FAM131B: variants seen among roughly 807,000 people sequenced by gnomAD.
FAM131B encodes the protein family with sequence similarity 131 member B, also known as protein FAM131B.
A neutral mutation model predicts 42.0 loss-of-function variants in FAM131B; 19 were observed. That is an observed-to-expected ratio of 0.45 (90% CI 0.32 to 0.66). The LOEUF is 0.66. Ranked by LOEUF, FAM131B falls within the 30% of genes least tolerant of loss-of-function variation. The pLI is 0.05. For missense variants in FAM131B, 370 were observed against 468.4 expected, an observed-to-expected ratio of 0.79 and a Z score of 1.94; for synonymous variants, 183 against 177.6, an observed-to-expected ratio of 1.03 and a Z score of -0.24.
At chr7:143,375,868 G>A in the FAM131B span, among the ~76,000 whole-genome samples, 4 of 152,146 alleles carry the variant, frequency 2.6e-5, no homozygotes, top group Non-Finnish European at 2.9e-5. Flanking sequence ...CGGCTGCCTC[G>A]GTGCCAGCAA....
Position 143,356,888 on chromosome 7 carries a change from G to A in FAM131B, c.745C>T (p.Leu249Phe). Residue 249 changes from leucine to phenylalanine, a missense_variant, in exon 7 of 7, where the codon CTT (leucine) becomes TTT (phenylalanine). By Grantham distance (22) the Leu-to-Phe change is conservative (BLOSUM62 0). Transcript: ENST00000443739. The surrounding 1 kb of genome is among the most constrained non-coding windows in gnomAD (Gnocchi z 4.4). The stretch of plus-strand genomic sequence containing the variant: ...TGTGAGTCATCAAATGCAGGCCCAA[G>A]ATAGGATCCTGTGGCCGGAGAGGCA... ...LIASPATGSY[L>F]GPAFDDSQPS... is the part of the protein sequence containing the mutation. 1 of 1,614,122 alleles carries A rather than the reference G, an allele frequency of 6.2e-7. No homozygotes were observed. Among genetic ancestry groups the A allele is most frequent in the Non-Finnish European group, 8.5e-7 (1 of 1,180,036 alleles).
At chr7:143,367,404 T>C (rs1804204826), upstream of FAM131B, among the ~76,000 whole-genome samples, 1 of 152,134 alleles carries the variant, frequency 6.6e-6, no homozygotes, top group East Asian at 1.9e-4. Flanking sequence ...CTCCCACTTT[T>C]AGTTAGAAAA....
upstream of FAM131B, among the ~76,000 whole-genome samples, chr7:143,363,647 T>G (rs1046181287): frequency 1.3e-5 from 2 of 152,062 alleles, no homozygotes; most frequent in African/African-American, 4.8e-5. Context: ...AGGTAAGAAG[T>G]GGAGTCCAGA....
At chr7:143,367,980 C>T in the FAM131B span, among the ~76,000 whole-genome samples, 1 of 152,178 alleles carries the variant, frequency 6.6e-6, no homozygotes, top group Non-Finnish European at 1.5e-5. Context: ...AGCCTGCAAC[C>T]CCTACTGCAG....
In FAM131B at chr7:143,353,467, A is replaced by G. The variant is rs1213452253; in HGVS notation, c.*3083T>C. 1 of 151,464 alleles carries G rather than the reference A, an allele frequency of 6.6e-6. No homozygotes were observed. Among genetic ancestry groups the G allele is most frequent in the Non-Finnish European group, 1.5e-5 (1 of 67,914 alleles). 9.4% of individuals were successfully genotyped at this position (151,464 alleles called of 1,614,324 possible). ...CCTTCTCCAGCATCACATCCCTCCC[A>G]CTTCCCCAGGCCAAGAGAGATGCTG... On this transcript the variant is annotated 3_prime_UTR_variant, in exon 7 of 7. Transcript: ENST00000443739.
chr7:143,380,872 C>T, the FAM131B span: 5 of 775,578 alleles, frequency 6.4e-6, no homozygotes, highest in South Asian at 1.7e-4. This position sits in a 1 kb window ranked among gnomAD's most constrained non-coding sequence, Gnocchi z 5.0. Context: ...AGGAGGGGAC[C>T]GGGTAACGGC....
At chr7:143,380,927 G>T in the FAM131B span, 3 of 410,912 alleles carry the variant, frequency 7.3e-6, no homozygotes, top group South Asian at 9.9e-5. This position sits in a 1 kb window ranked among gnomAD's most constrained non-coding sequence, Gnocchi z 5.0. Flanking sequence ...GCGCACAGGG[G>T]CTGCGTGGCT....
Position 143,354,169 on chromosome 7 carries a change from C to G in FAM131B, c.*2381G>C, listed in dbSNP as rs1349483694. The G allele has an allele frequency of 6.5e-6, 1 of 152,674 alleles. No homozygotes were observed. Among genetic ancestry groups the G allele is most frequent in the Non-Finnish European group, 1.5e-5 (1 of 68,114 alleles). 9.5% of individuals were successfully genotyped at this position (152,674 alleles called of 1,614,324 possible). A position where few individuals can be genotyped will look rare whatever the true frequency, so the allele number is the denominator to read the frequency against. ...GTAGGAGCTCCTTGCAGAAGACAGA[C>G]CCCCACCTGACTTCCATCTGCAGCA... is the stretch of plus-strand genomic sequence containing the variant. On this transcript the variant is annotated 3_prime_UTR_variant, in exon 7 of 7. Coordinates refer to ENST00000443739, the MANE Select transcript of FAM131B (RefSeq NM_001031690.3).
the FAM131B span, chr7:143,382,289 G>A: frequency 3.1e-6 from 5 of 1,612,804 alleles, no homozygotes; most frequent in South Asian, 4.4e-5. Context: ...GGATGGCGAC[G>A]ATGCAGAGGG....
At chr7:143,377,965 C>A in the FAM131B span, among the ~76,000 whole-genome samples, 1 of 152,352 alleles carries the variant, frequency 6.6e-6, no homozygotes, top group East Asian at 1.9e-4. Context: ...ATCCACCCAC[C>A]TTGGCCTCCC....
At chr7:143,366,190 T>C (rs1804178247), upstream of FAM131B, among the ~76,000 whole-genome samples, 1 of 152,224 alleles carries the variant, frequency 6.6e-6, no homozygotes, top group Non-Finnish European at 1.5e-5. Context: ...TCTTTCACGC[T>C]TGTCTTTTTT....
the FAM131B span, among the ~76,000 whole-genome samples, chr7:143,367,959 AT>A: frequency 1.3e-5 from 2 of 152,208 alleles, no homozygotes; most frequent in Non-Finnish European, 2.9e-5. Flanking sequence ...TGGGAAGCAC[AT>A]TTGTGGGAAA....
In FAM131B at chr7:143,356,472, C is replaced by T; in HGVS notation, c.*78G>A. 2 of 1,094,086 alleles carry T rather than the reference C, an allele frequency of 1.8e-6. No homozygotes were observed. The highest frequency in any genetic ancestry group is 2.7e-6 in the Non-Finnish European group (2 of 732,212). The allele number at this position is 1,094,086 out of a possible 1,614,324, so 67.8% of individuals were successfully genotyped here. The stretch of plus-strand genomic sequence containing the variant: ...TGTTGTCTGCCCAGTTTCAGCTGTA[C>T]TGCTGGGGGGAGGGAGGGTATGGGT... On this transcript the variant is annotated 3_prime_UTR_variant, in exon 7 of 7. Coordinates refer to ENST00000443739, the MANE Select transcript of FAM131B (RefSeq NM_001031690.3). The surrounding 1 kb of genome is among the most constrained non-coding windows in gnomAD (Gnocchi z 4.4).
At chr7:143,365,601 A>ATTTTG (rs1448688568), upstream of FAM131B, among the ~76,000 whole-genome samples, 2 of 151,882 alleles carry the variant, frequency 1.3e-5, no homozygotes, top group Admixed American at 6.6e-5. Context: ...TTTGTTTGGC[A>ATTTTG]TTTTGTTTTG....
the FAM131B span, chr7:143,382,022 G>T: frequency 1.0e-3 from 607 of 605,846 alleles, no homozygotes; most frequent in Non-Finnish European, 1.5e-3. Context: ...CTTCCCCTCC[G>T]GGTCCGTTTT....
rs1402593316 is a variant in FAM131B at position 143,356,371 on chromosome 7, A to G, written c.*179T>C. 2 of 589,332 alleles carry G rather than the reference A, an allele frequency of 3.4e-6. No individual in the cohort carries two copies. The highest frequency in any genetic ancestry group is 2.8e-5 in the East Asian group (1 of 35,840). 36.5% of individuals were successfully genotyped at this position (589,332 alleles called of 1,614,324 possible). On this transcript the variant is annotated 3_prime_UTR_variant, in exon 7 of 7. Transcript: ENST00000443739. This position sits in a 1 kb window ranked among gnomAD's most constrained non-coding sequence, Gnocchi z 4.4. ...TCAGTTCCCAGGCCTGTGGGTTTCT[A>G]GAGTGTAAGCCTGGATAAAATCCCA...
chr7:143,357,513 TC>T, intron 5 of FAM131B, 90 bp from the exon 6 acceptor site: 1 of 1,092,682 alleles, frequency 9.2e-7, no homozygotes. Flanking sequence ...GCAGCACTGT[TC>T]AGTAGAAATA....
At chr7:143,357,464 A>G (rs1343423331) in intron 5 of FAM131B, 41 bp from the exon 6 acceptor site, 2 of 1,576,628 alleles carry the variant, frequency 1.3e-6, no homozygotes, top group Non-Finnish European at 1.7e-6. Context: ...ACCTCAGGGA[A>G]TCCTTAGACA....
Position 143,359,788 on chromosome 7 carries a change from G to T in FAM131B, c.139-21C>A. 1 of 1,559,814 alleles carries T rather than the reference G, an allele frequency of 6.4e-7. No homozygotes were observed. The highest frequency in any genetic ancestry group is 1.2e-5 in the South Asian group (1 of 84,576). On this transcript the variant is annotated intron_variant, in intron 2 of 6. Coordinates refer to ENST00000443739, the MANE Select transcript of FAM131B (RefSeq NM_001031690.3). The surrounding 1 kb of genome is among the most constrained non-coding windows in gnomAD (Gnocchi z 5.4). ...GTTTGCTGTGAGGAGAGAGGAAAGG[G>T]AATGGGCATCCCAGTCACTCGCAGG...
Sources: gnomAD v4.1 joint callset for allele counts (sites outside exome capture counted in the v4.1 genomes callset) on GRCh38, gnomAD v4.1.1 for gene constraint, Gnocchi (gnomAD v3.1) non-coding constraint, MANE v1.5 for transcripts, NCBI Gene and HGNC (gene_info 2026-07-23, HGNC 2026-07-21) for gene names.